NELL2: variants seen among roughly 807,000 people sequenced by gnomAD.
The protein encoded by NELL2 is neural EGFL like 2.
A neutral mutation model predicts 109.6 loss-of-function variants in NELL2; 41 were observed. The ratio of observed to expected loss-of-function variants is 0.37; its 90% confidence interval spans 0.29 to 0.49. NELL2 has a LOEUF of 0.49. NELL2 is among the 20% of genes least tolerant of loss of function. NELL2 has a pLI of 0.98. For synonymous variants in NELL2, 355 were observed against 344.7 expected (o/e 1.03, Z -0.33); for missense variants, 900 against 1,008.3 (o/e 0.89, Z 1.45).
upstream of NELL2, among the ~76,000 whole-genome samples, chr12:44,879,659 A>G (rs953631611): frequency 6.6e-6 from 1 of 152,048 alleles, no homozygotes; most frequent in African/African-American, 2.4e-5. Flanking sequence ...TAACATCCAC[A>G]CCAGAACTGA....
upstream of NELL2, among the ~76,000 whole-genome samples, chr12:44,916,798 C>T (rs1350269399): frequency 6.6e-6 from 1 of 152,148 alleles, no homozygotes; most frequent in Non-Finnish European, 1.5e-5. Context: ...GGTCAGAAAA[C>T]TCTAAAGGTC....
intron 2 of NELL2, among the ~76,000 whole-genome samples, chr12:44,847,386 T>C (rs1269184558): frequency 2.6e-5 from 4 of 152,226 alleles, no homozygotes; most frequent in Non-Finnish European, 5.9e-5. Context: ...TAATATTTAT[T>C]GTTCAACTCT....
At chr12:44,744,878 A>G (rs1273031044) in intron 9 of NELL2, among the ~76,000 whole-genome samples, 3 of 152,208 alleles carry the variant, frequency 2.0e-5, no homozygotes, top group South Asian at 4.1e-4. Context: ...AGAGATACAA[A>G]GAGGAGCTGG....
At chr12:44,888,639 A>T (rs564618359) in intron 1 of NELL2, among the ~76,000 whole-genome samples, 1 of 152,022 alleles carries the variant, frequency 6.6e-6, no homozygotes, top group Admixed American at 6.5e-5. Flanking sequence ...TGATATAAAA[A>T]GGAATAGTAA....
chr12:44,610,718 C>G (rs2136251438), intron 14 of NELL2, 130 bp downstream of exon 14: 1 of 1,272,114 alleles, frequency 7.9e-7, no homozygotes, highest in South Asian at 1.4e-5. Flanking sequence ...CTATGAGCCA[C>G]ACACCAAAGC....
intron 15 of NELL2, among the ~76,000 whole-genome samples, chr12:44,605,176 G>T (rs917026604): frequency 6.6e-6 from 1 of 152,134 alleles, no homozygotes; most frequent in African/African-American, 2.4e-5. Context: ...CTGGATAAAA[G>T]CCTGGATTTG....
intron 1 of NELL2, among the ~76,000 whole-genome samples, chr12:44,894,381 GA>G (rs80274307): frequency 6.6e-6 from 1 of 151,962 alleles, no homozygotes; most frequent in Non-Finnish European, 1.5e-5. Flanking sequence ...AGAAATGGAA[GA>G]AAAAAAATGA....
Position 44,816,068 on chromosome 12 carries a change from G to A in NELL2, c.253C>T (p.His85Tyr), listed in dbSNP as rs988267205. The A allele has an allele frequency of 3.1e-6, 5 of 1,613,526 alleles. No individual in the cohort carries two copies. Among genetic ancestry groups the A allele is most frequent in the Non-Finnish European group, 4.2e-6 (5 of 1,179,802 alleles). Residue 85 changes from histidine to tyrosine, a missense_variant, in exon 3 of 20, where the codon CAT becomes TAT. Around this residue, in one of 4 missense-constraint regions of NELL2, gnomAD observed 200 missense variants for 191.8 expected, o/e 1.04. Transcript: ENST00000429094. ...EQFFQKLRNK[H>Y]EFTILVTLKQ... The stretch of plus-strand genomic sequence containing the variant: ...AGGGTCACCAAAATAGTAAATTCAT[G>A]TTTATTTCTCAGCTTCTGAAAAAAC...
intron 12 of NELL2, among the ~76,000 whole-genome samples, chr12:44,697,219 C>A (rs1354322072): frequency 6.6e-6 from 1 of 152,138 alleles, no homozygotes; most frequent in Non-Finnish European, 1.5e-5. Flanking sequence ...ACTAAAAAAA[C>A]AAGTAAGATA....
At chr12:44,853,221 A>G (rs1944582481) in intron 2 of NELL2, among the ~76,000 whole-genome samples, 2 of 152,204 alleles carry the variant, frequency 1.3e-5, no homozygotes, top group African/African-American at 4.8e-5. Context: ...ATGGTTTATC[A>G]TAGAAATTAA....
chr12:44,771,313 A>G (rs570571639), intron 9 of NELL2, among the ~76,000 whole-genome samples: 1 of 151,674 alleles, frequency 6.6e-6, no homozygotes, highest in Non-Finnish European at 1.5e-5. Context: ...ATAAAAGTAG[A>G]TCACTTAGAT....
chr12:44,610,779 G>C (rs1193769212), intron 14 of NELL2, 69 bp downstream of exon 14: 2 of 1,594,872 alleles, frequency 1.3e-6, no homozygotes, highest in African/African-American at 1.3e-5. Flanking sequence ...TAATGATAAG[G>C]TGTAGAGGAA....
chr12:44,775,119 C>CA (rs1161340228), intron 8 of NELL2, among the ~76,000 whole-genome samples: 8 of 151,836 alleles, frequency 5.3e-5, no homozygotes, highest in African/African-American at 1.9e-4. Context: ...TTCACTATAC[C>CA]ACATTCCGTC....
chr12:44,734,102 C>T (rs1220328203), intron 9 of NELL2, among the ~76,000 whole-genome samples: 1 of 151,920 alleles, frequency 6.6e-6, no homozygotes, highest in East Asian at 1.9e-4. Context: ...TACAACTTTA[C>T]TCTATGTATT....
intron 9 of NELL2, among the ~76,000 whole-genome samples, chr12:44,765,799 T>G (rs1434255000): frequency 6.6e-6 from 1 of 152,210 alleles, no homozygotes; most frequent in Non-Finnish European, 1.5e-5. Context: ...GTGCTTAAAC[T>G]GTACTCCATC....
At chr12:44,702,998 C>T (rs1293685807) in intron 12 of NELL2, among the ~76,000 whole-genome samples, 1 of 152,058 alleles carries the variant, frequency 6.6e-6, no homozygotes, top group Non-Finnish European at 1.5e-5. Flanking sequence ...CTCTGAATGC[C>T]CAAACACCTC....
intron 3 of NELL2, among the ~76,000 whole-genome samples, chr12:44,788,295 C>G (rs12315309): frequency 1.3e-5 from 2 of 152,132 alleles, no homozygotes; most frequent in Non-Finnish European, 2.9e-5. Flanking sequence ...CTGAAGGAAG[C>G]AGATTGCTCC....
chr12:44,678,310 G>A (rs1485591518), intron 12 of NELL2, among the ~76,000 whole-genome samples: 1 of 152,042 alleles, frequency 6.6e-6, no homozygotes. Context: ...TAGTGACCTG[G>A]TACTACCAAA....
intron 15 of NELL2, among the ~76,000 whole-genome samples, chr12:44,581,709 C>T (rs563590092): frequency 6.6e-6 from 1 of 152,108 alleles, no homozygotes; most frequent in African/African-American, 2.4e-5. Flanking sequence ...TGCCTTAATG[C>T]CATTTTCCCC....
Sources: allele counts gnomAD v4.1 joint callset (sites outside exome capture counted in the v4.1 genomes callset), GRCh38; gene constraint gnomAD v4.1.1; regional missense constraint gnomAD v4.1.1; transcripts MANE v1.5; gene names NCBI Gene and HGNC (gene_info 2026-07-23, HGNC 2026-07-21).